ZNF532: variants seen among roughly 807,000 people sequenced by gnomAD.
ZNF532 encodes zinc finger protein 532.
Under a neutral mutation model 89.3 loss-of-function variants are expected in ZNF532, and 22 were observed. The ratio of observed to expected loss-of-function variants is 0.25; its 90% CI spans 0.18 to 0.35. The LOEUF (loss-of-function observed/expected upper bound fraction) is 0.35, where lower values mean the gene tolerates loss of function less well. Ranked by LOEUF, ZNF532 falls within the 10% of genes least tolerant of loss-of-function variation. The pLI is 1.00. For synonymous variants in ZNF532, 606 were observed against 649.6 expected (o/e 0.93, Z 1.02); for missense variants, 1,132 against 1,643.4 (o/e 0.69, Z 5.38).
chr18:58,946,809 G>T (rs907736982), intron 5 of ZNF532, among the ~76,000 whole-genome samples: 2 of 151,972 alleles, frequency 1.3e-5, no homozygotes, highest in African/African-American at 2.4e-5. Flanking sequence ...AACATCTCAA[G>T]ACCTTGTAAA....
intron 2 of ZNF532, among the ~76,000 whole-genome samples, chr18:58,888,840 T>A (rs1273510569): frequency 0.031 from 1,120 of 35,608 alleles, 97 homozygotes; most frequent in African/African-American, 0.14. Flanking sequence ...ATATATATAA[T>A]TTATATATAT....
chr18:58,900,440 C>G (rs923056220), intron 2 of ZNF532, among the ~76,000 whole-genome samples: 1 of 152,190 alleles, frequency 6.6e-6, no homozygotes, highest in Non-Finnish European at 1.5e-5. Flanking sequence ...TCTCCCTCCT[C>G]CCTAGCTTCC....
intron 7 of ZNF532, among the ~76,000 whole-genome samples, chr18:58,954,993 C>T (rs1200356696): frequency 1.3e-5 from 2 of 152,128 alleles, no homozygotes; most frequent in Non-Finnish European, 2.9e-5. Context: ...GGATTACAGG[C>T]GTGAGCCACT....
rs2146101315 is a variant in ZNF532 at position 58,920,643 on chromosome 18, C to A, written c.2346+10C>A. ...AGATACGAGTGGACAAGTAGAGTAT[C>A]ATTTAAATTTTTGTGTTTCAGTGAT... On this transcript the variant is annotated intron_variant, in intron 3 of 9. Coordinates refer to ENST00000591808, the MANE Select transcript of ZNF532 (RefSeq NM_001375912.1). The A allele has an allele frequency of 6.5e-7, 1 of 1,549,920 alleles. No homozygotes were observed. Among genetic ancestry groups the A allele is most frequent in the South Asian group, 1.2e-5 (1 of 81,576 alleles).
At chr18:58,954,871 C>G (rs1036672973) in intron 7 of ZNF532, among the ~76,000 whole-genome samples, 2 of 152,050 alleles carry the variant, frequency 1.3e-5, no homozygotes, top group African/African-American at 4.8e-5. Context: ...CACCACCACG[C>G]TCAGCTAATT....
At position 58,888,853 on chromosome 18, in the gene ZNF532, A is replaced by AT. The variant is rs1418099473; in HGVS notation, c.-18+23274_-18+23275insT. On this transcript the variant is annotated intron_variant, in intron 2 of 9. Coordinates refer to ENST00000591808, the MANE Select transcript of ZNF532 (RefSeq NM_001375912.1). ...TTATATATATAATTTATATATATAT[A>AT]ATTTATATATATATAATATATATTA... Among the ~76,000 whole-genome samples the AT allele has an allele frequency of 5.2e-4, 22 of 42,336 alleles. 1 individual carries two copies. Among genetic ancestry groups the AT allele is most frequent in the Non-Finnish European group, 7.6e-4 (20 of 26,184 alleles). 27.8% of individuals were successfully genotyped at this position (42,336 alleles called of 152,430 possible).
chr18:58,966,738 G>GTTTTGTTT (rs2065949156), intron 7 of ZNF532, among the ~76,000 whole-genome samples: 4 of 126,004 alleles, frequency 3.2e-5, no homozygotes. Context: ...ATTTTTTTGT[G>GTTTTGTTT]TTTTTTTTTT....
At chr18:58,883,967 G>C (rs1199478955) in intron 2 of ZNF532, among the ~76,000 whole-genome samples, 1 of 152,200 alleles carries the variant, frequency 6.6e-6, no homozygotes, top group East Asian at 1.9e-4. Flanking sequence ...TCGTGGACCT[G>C]TGAAATCCCC....
intron 2 of ZNF532, among the ~76,000 whole-genome samples, chr18:58,899,116 C>T (rs572033442): frequency 5.8e-4 from 88 of 152,340 alleles, no homozygotes; most frequent in African/African-American, 2.1e-3. Flanking sequence ...AGAGTCCGGA[C>T]ACAGCGAGTC....
At chr18:58,889,722 G>T (rs1173732693) in intron 2 of ZNF532, among the ~76,000 whole-genome samples, 1 of 151,268 alleles carries the variant, frequency 6.6e-6, no homozygotes, top group East Asian at 1.9e-4. Context: ...GCGGTGAGCC[G>T]AGGTCACGCC....
chr18:58,884,979 G>GT (rs34689408), intron 2 of ZNF532, among the ~76,000 whole-genome samples: 25,025 of 137,924 alleles, frequency 0.18, 3,731 homozygotes, highest in East Asian at 0.57. Context: ...CAGTACAAGG[G>GT]TTTTTTTTTT....
chr18:58,869,023 T>TGC (rs2056738257), intron 2 of ZNF532, among the ~76,000 whole-genome samples: 7 of 152,226 alleles, frequency 4.6e-5, no homozygotes, highest in African/African-American at 1.7e-4. Context: ...CAGTGGTAAC[T>TGC]ATTTGTGTTT....
intron 7 of ZNF532, among the ~76,000 whole-genome samples, chr18:58,969,367 C>G (rs2066238158): frequency 6.6e-6 from 1 of 152,206 alleles, no homozygotes; most frequent in African/African-American, 2.4e-5. Flanking sequence ...GGGCTCCACT[C>G]TCATACCCTT....
chr18:58,981,490 G>A lies in ZNF532; in HGVS notation c.3284G>A (p.Arg1095His), dbSNP rs138699677. 7.8e-4 allele frequency: 1,263 copies of A among 1,613,036 alleles called. No individual in the cohort carries two copies. Among genetic ancestry groups the A allele is most frequent in the Non-Finnish European group, 9.6e-4 (1,137 of 1,179,932 alleles). The change falls in exon 9 of 10, where the codon CGT (arginine) becomes CAT (histidine). Residue 1095 changes from arginine (R) to histidine (H), a missense_variant. Around this residue, in one of 9 missense-constraint regions of ZNF532, gnomAD observed 415 missense variants for 604.8 expected, o/e 0.69. Coordinates refer to ENST00000591808, the MANE Select transcript of ZNF532 (RefSeq NM_001375912.1). ...CACAGGCACTGCCCAGACTCCAGAC[G>A]TACCTTTACCAAACGTTTGATGCTG... ...YACSHCPDSRRTFTKRLMLEK... is the reference protein window; with the variant it reads ...YACSHCPDSRHTFTKRLMLEK...
chr18:58,919,358 A>C lies in ZNF532; in HGVS notation c.1071A>C (p.Ala357=), dbSNP rs1330394953. The change falls in exon 3 of 10, where the codon GCA becomes GCC. Residue 357 remains alanine (A), a synonymous_variant. Coordinates refer to ENST00000591808, the MANE Select transcript of ZNF532 (RefSeq NM_001375912.1). This position sits in a 1 kb window ranked among gnomAD's most constrained non-coding sequence, Gnocchi z 6.1. ...SPSSPAGSTP[A]IPKVRIKTIK... is the part of the protein sequence containing the mutation. The stretch of plus-strand genomic sequence containing the variant: ...CCTCTCCCGCAGGGTCCACACCAGC[A>C]ATCCCCAAAGTCCGCATAAAAACCA... 15 of 1,614,224 alleles carry C rather than the reference A, an allele frequency of 9.3e-6. No individual in the cohort carries two copies. Among genetic ancestry groups the C allele is most frequent in the Non-Finnish European group, 1.2e-5 (14 of 1,180,036 alleles).
intron 2 of ZNF532, among the ~76,000 whole-genome samples, chr18:58,870,632 G>C (rs2056903917): frequency 6.6e-6 from 1 of 152,162 alleles, no homozygotes; most frequent in Non-Finnish European, 1.5e-5. Context: ...TGGAATAGAG[G>C]CTGTACAGGC....
In ZNF532 at chr18:58,985,144, T is replaced by C. The variant is rs1179366444; in HGVS notation, c.*678T>C. The C allele has an allele frequency of 6.6e-6, 1 of 152,172 alleles. No individual in the cohort carries two copies. Among genetic ancestry groups the C allele is most frequent in the Non-Finnish European group, 1.5e-5 (1 of 68,026 alleles). 9.4% of individuals were successfully genotyped at this position (152,172 alleles called of 1,614,324 possible). A position where few individuals can be genotyped will look rare whatever the true frequency, so the allele number is the denominator to read the frequency against. On this transcript the variant is annotated 3_prime_UTR_variant, in exon 10 of 10. Coordinates refer to ENST00000591808, the MANE Select transcript of ZNF532 (RefSeq NM_001375912.1). ...CTGAAGCTAGGAATCTAATAAGGAA[T>C]GCTGATTTCCTCAGTTCCATTTTGA...
chr18:58,936,317 A>C (rs917363219), intron 4 of ZNF532, among the ~76,000 whole-genome samples: 4 of 152,226 alleles, frequency 2.6e-5, no homozygotes, highest in African/African-American at 9.6e-5. Flanking sequence ...AACTATTATT[A>C]ATGGATTATG....
chr18:58,970,356 G>A (rs1671574217), intron 7 of ZNF532, among the ~76,000 whole-genome samples: 1 of 152,164 alleles, frequency 6.6e-6, no homozygotes, highest in Non-Finnish European at 1.5e-5. Flanking sequence ...TTGAAGACTG[G>A]ATTCTCTGAG....
Sources: allele counts gnomAD v4.1 joint callset (sites outside exome capture counted in the v4.1 genomes callset), GRCh38; gene constraint gnomAD v4.1.1; regional missense constraint gnomAD v4.1.1; non-coding constraint Gnocchi (gnomAD v3.1); transcripts MANE v1.5; gene names NCBI Gene and HGNC (gene_info 2026-07-23, HGNC 2026-07-21).